The following MYO1E variants were observed in gnomAD, a reference collection of about 807,000 sequenced individuals.
The protein encoded by MYO1E is myosin IE.
Under a neutral mutation model 151.1 loss-of-function variants are expected in MYO1E, and 68 were observed. That is an observed-to-expected ratio of 0.45 (90% CI 0.37 to 0.55). The LOEUF (loss-of-function observed/expected upper bound fraction) is 0.55, where lower values mean the gene tolerates loss of function less well. Among genes scored for constraint, MYO1E ranks in the 20% least tolerant of loss-of-function variants. The pLI is 0.00. For missense variants in MYO1E, 1,363 were observed against 1,389.3 expected (o/e 0.98, Z 0.30); for synonymous variants, 601 against 501.7 (o/e 1.20, Z -2.64).
intron 1 of MYO1E, among the ~76,000 whole-genome samples, chr15:59,367,857 C>T (rs2080923259): frequency 6.6e-6 from 1 of 152,206 alleles, no homozygotes; most frequent in East Asian, 1.9e-4. Context: ...TGGTGGCTCA[C>T]GTCTATAATC....
chr15:59,253,412 A>C (rs1376969328), intron 4 of MYO1E, among the ~76,000 whole-genome samples: 1 of 152,128 alleles, frequency 6.6e-6, no homozygotes, highest in Non-Finnish European at 1.5e-5. Context: ...AGAGAGAGCA[A>C]CAGGCATGAA....
At chr15:59,340,790 G>A (rs926264086) in intron 1 of MYO1E, among the ~76,000 whole-genome samples, 29 of 152,198 alleles carry the variant, frequency 1.9e-4, no homozygotes, top group African/African-American at 7.0e-4. Flanking sequence ...TTGGGAGGCT[G>A]AGGCGGGAGG....
chr15:59,232,464 G>A (rs1358602373), intron 5 of MYO1E, among the ~76,000 whole-genome samples: 1 of 152,170 alleles, frequency 6.6e-6, no homozygotes, highest in South Asian at 2.1e-4. Context: ...CGTGTGGAAC[G>A]AGTCCTGGCC....
intron 1 of MYO1E, among the ~76,000 whole-genome samples, chr15:59,305,104 A>G (rs2080506976): frequency 6.6e-6 from 1 of 152,262 alleles, no homozygotes; most frequent in Non-Finnish European, 1.5e-5. Context: ...CCTGGAGGTC[A>G]GGGCTTGCTT....
In MYO1E at chr15:59,303,483, C is replaced by T. The variant is rs143780845; in HGVS notation, c.4-31034G>A. Among the ~76,000 whole-genome samples, 251 of 151,858 alleles carry T rather than the reference C, an allele frequency of 1.7e-3. 9 individuals carry two copies. In the East Asian group the frequency reaches 0.043, roughly 26 times the overall value. ...GGCAGAAGTTGCAGTGAGCCGAGACCGTACCACTGCACTCCAGCCTGGGTA... is the reference window on the plus strand; with the variant it reads ...GGCAGAAGTTGCAGTGAGCCGAGACTGTACCACTGCACTCCAGCCTGGGTA... On this transcript the variant is annotated intron_variant, in intron 1 of 27. Coordinates refer to ENST00000288235, the MANE Select transcript of MYO1E (RefSeq NM_004998.4).
chr15:59,355,807 C>A (rs1002876536), intron 1 of MYO1E, among the ~76,000 whole-genome samples: 1 of 152,104 alleles, frequency 6.6e-6, no homozygotes, highest in Non-Finnish European at 1.5e-5. Flanking sequence ...CCTCAACCTG[C>A]CAGGATCAAG....
At chr15:59,147,512 A>T (rs188900468) in intron 26 of MYO1E, among the ~76,000 whole-genome samples, 8 of 140,660 alleles carry the variant, frequency 5.7e-5, no homozygotes, top group Middle Eastern at 7.8e-3. Context: ...GAATCGCTTG[A>T]ACGTGGGAGG....
intron 2 of MYO1E, among the ~76,000 whole-genome samples, chr15:59,266,543 TAAAG>T (rs1390096507): frequency 6.6e-6 from 1 of 152,142 alleles, no homozygotes; most frequent in East Asian, 1.9e-4. Context: ...TTATTCAAAA[TAAAG>T]AAACTGTCCT....
At chr15:59,243,705 T>C (rs17302247) in intron 4 of MYO1E, among the ~76,000 whole-genome samples, 23,571 of 152,180 alleles carry the variant, frequency 0.15, 2,796 homozygotes, top group East Asian at 0.53. Context: ...CTCCTGAGTC[T>C]TTACTGATAC....
intron 1 of MYO1E, among the ~76,000 whole-genome samples, chr15:59,365,795 G>A (rs1429005793): frequency 6.6e-6 from 1 of 152,040 alleles, no homozygotes; most frequent in East Asian, 1.9e-4. Context: ...CCAGGAAAAA[G>A]GGACCTGCTG....
Position 59,372,756 on chromosome 15 carries a change from A to C in MYO1E, c.-256T>G. ...CTGCGGAGGGCAAGAGTCCACTCGT[A>C]CTCGCCGGTCGCCGCCGGCCCAGGT... On this transcript the variant is annotated 5_prime_UTR_variant, in exon 1 of 28. Coordinates refer to ENST00000288235, the MANE Select transcript of MYO1E (RefSeq NM_004998.4). 6 of 530,092 alleles carry C rather than the reference A, an allele frequency of 1.1e-5. No homozygotes were observed. Among genetic ancestry groups the C allele is most frequent in the South Asian group, 2.5e-5 (1 of 39,514 alleles). 32.8% of individuals were successfully genotyped at this position (530,092 alleles called of 1,614,324 possible).
intron 4 of MYO1E, among the ~76,000 whole-genome samples, chr15:59,249,064 T>C (rs1208967109): frequency 6.6e-6 from 1 of 152,190 alleles, no homozygotes; most frequent in Non-Finnish European, 1.5e-5. Flanking sequence ...TAGATGGACC[T>C]AGGCTTCCAT....
intron 1 of MYO1E, among the ~76,000 whole-genome samples, chr15:59,279,306 G>A (rs959854116): frequency 3.9e-5 from 6 of 152,084 alleles, no homozygotes; most frequent in African/African-American, 1.2e-4. Flanking sequence ...GCTGGCCCCC[G>A]GTGGAGAAGT....
intron 13 of MYO1E, chr15:59,209,079 A>G (rs2079859959): frequency 1.7e-6 from 1 of 590,726 alleles, no homozygotes. Context: ...AACTCCCTGA[A>G]GTTTTATCCA....
chr15:59,247,451 A>G (rs1177284799), intron 4 of MYO1E, among the ~76,000 whole-genome samples: 2 of 152,238 alleles, frequency 1.3e-5, no homozygotes, highest in Non-Finnish European at 2.9e-5. Context: ...TCTGCCATCT[A>G]CTAGTTTTGG....
chr15:59,204,597 G>C (rs1202824549), intron 15 of MYO1E, among the ~76,000 whole-genome samples: 3 of 152,174 alleles, frequency 2.0e-5, no homozygotes, highest in Non-Finnish European at 4.4e-5. Context: ...CAGGGAAAAG[G>C]GGAGGAAGGC....
chr15:59,355,426 G>A (rs2080847564), intron 1 of MYO1E, among the ~76,000 whole-genome samples: 1 of 152,040 alleles, frequency 6.6e-6, no homozygotes, highest in African/African-American at 2.4e-5. Context: ...CACGTGGGAG[G>A]CTATTTCTTT....
Position 59,160,966 on chromosome 15 carries a change from G to A in MYO1E, c.2785+107C>T, listed in dbSNP as rs1242677243. The A allele has an allele frequency of 7.8e-6, 11 of 1,411,016 alleles. No individual in the cohort carries two copies. The African/African-American group carries it at 1.3e-4, about 16-fold the overall frequency. The allele number at this position is 1,411,016 out of a possible 1,614,324, so 87.4% of individuals were successfully genotyped here. A position where few individuals can be genotyped will look rare whatever the true frequency, so the allele number is the denominator to read the frequency against. On this transcript the variant is annotated intron_variant, in intron 24 of 27. Transcript: ENST00000288235. Reference sequence around the variant, plus strand: ...AAGCGTGAGCCCCAGCAAGCAGAAGGTGTACTGATTCTCAGCCCCCACATC... The same window carrying A: ...AAGCGTGAGCCCCAGCAAGCAGAAGATGTACTGATTCTCAGCCCCCACATC...
chr15:59,179,113 G>A (rs561894342), intron 18 of MYO1E, among the ~76,000 whole-genome samples: 1 of 152,056 alleles, frequency 6.6e-6, no homozygotes, highest in South Asian at 2.1e-4. Context: ...TCTTCTTCAT[G>A]CCCACCATGC....
Sources: allele counts gnomAD v4.1 joint callset (sites outside exome capture counted in the v4.1 genomes callset), GRCh38; gene constraint gnomAD v4.1.1; transcripts MANE v1.5; gene names NCBI Gene and HGNC (gene_info 2026-07-23, HGNC 2026-07-21).